The following KAZN variants were observed in gnomAD, a reference collection of about 807,000 sequenced individuals.
KAZN encodes kazrin.
KAZN carries 40 observed loss-of-function variants against 87.4 expected under a neutral mutation model. That is an observed-to-expected ratio of 0.46 (90% CI 0.36 to 0.60). The LOEUF (loss-of-function observed/expected upper bound fraction) is 0.60, where lower values mean the gene tolerates loss of function less well. Ranked by LOEUF, KAZN falls within the 20% of genes least tolerant of loss-of-function variation. The pLI is 0.00. For missense variants in KAZN, 898 were observed against 1,073.9 expected (o/e 0.84, Z 2.29); for synonymous variants, 466 against 458.3 (o/e 1.02, Z -0.22).
In KAZN at chr1:14,024,579, G is replaced by A. The variant is rs79536544; in HGVS notation, c.91+130823G>A. ...TCAACAGGAAAGAAGCAGGAACAGG[G>A]AGAGGGTACCTCTGACTTGTTGCCT... On this transcript the variant is annotated intron_variant, in intron 1 of 16. Transcript: ENST00000636203. 5.9e-4 allele frequency among the ~76,000 whole-genome samples: 90 copies of A among 152,330 alleles called. No homozygotes were observed. The East Asian group carries it at 0.016, about 28-fold the overall frequency.
At chr1:14,127,095 G>A (rs1160714146) in intron 1 of KAZN, among the ~76,000 whole-genome samples, 1 of 116,454 alleles carries the variant, frequency 8.6e-6, no homozygotes, top group Non-Finnish European at 1.7e-5. Context: ...GACAGAATGC[G>A]ACTCCATCTC....
At chr1:14,383,690 C>A (rs931980461) in intron 2 of KAZN, among the ~76,000 whole-genome samples, 1 of 152,100 alleles carries the variant, frequency 6.6e-6, no homozygotes, top group African/African-American at 2.4e-5. Flanking sequence ...TGTTTTGGTA[C>A]CAGTACCATG....
intron 1 of KAZN, among the ~76,000 whole-genome samples, chr1:14,661,817 G>A (rs1308673196): frequency 6.6e-6 from 1 of 152,146 alleles, no homozygotes; most frequent in Non-Finnish European, 1.5e-5. Flanking sequence ...TTGGGTGGCT[G>A]AGGCGTGAGG....
intron 2 of KAZN, among the ~76,000 whole-genome samples, chr1:14,215,643 C>T (rs565728867): frequency 1.6e-4 from 25 of 152,240 alleles, no homozygotes; most frequent in East Asian, 3.9e-4. Flanking sequence ...ATAGGTCTGG[C>T]GCTTTGGCTT....
At chr1:14,708,656 A>G (rs569657001) in intron 1 of KAZN, among the ~76,000 whole-genome samples, 17 of 152,322 alleles carry the variant, frequency 1.1e-4, no homozygotes, top group African/African-American at 4.1e-4. Flanking sequence ...CTGCTTACAC[A>G]TGGTGGCATG....
chr1:14,222,084 G>A (rs1355333568), intron 2 of KAZN: 1 of 152,126 alleles, frequency 6.6e-6, no homozygotes, highest in African/African-American at 2.4e-5. Flanking sequence ...TGTCAGTGAA[G>A]ATGGAAATAT....
rs1349297874 is a variant in KAZN, at chr1:15,044,102, C to G, written c.669C>G (p.Arg223=). ...CCACAGACCACGCCACGGCACTGCG[C>G]TCCCAGCTGGACCTCAAGGACAACC... is the stretch of plus-strand genomic sequence containing the variant. ...KEATDHATAL[R]SQLDLKDNRM... Residue 223 remains arginine (R), a synonymous_variant, in exon 4 of 15, where the codon CGC becomes CGG. Coordinates refer to ENST00000376030, the MANE Select transcript of KAZN (RefSeq NM_201628.3). The G allele has an allele frequency of 6.2e-7, 1 of 1,612,440 alleles. No individual in the cohort carries two copies.
At chr1:13,972,316 C>T (rs1334911338) in intron 1 of KAZN, among the ~76,000 whole-genome samples, 1 of 150,298 alleles carries the variant, frequency 6.7e-6, no homozygotes, top group East Asian at 1.9e-4. Context: ...CTTTTTCACC[C>T]AGGCCGGAGT....
rs148996650 is a variant in KAZN at position 14,783,837 on chromosome 1, A to G, written c.227-176847A>G. Among the ~76,000 whole-genome samples, 1,006 of 152,138 alleles carry G rather than the reference A, an allele frequency of 6.6e-3. 12 individuals carry two copies. Among genetic ancestry groups the G allele is most frequent in the African/African-American group, 0.023 (937 of 41,522 alleles). ...CCTGGCAGGGGTTGTGATGGAAGTA[A>G]TGGGGGTGGAGGACTTGAGGCTGAG... On this transcript the variant is annotated intron_variant, in intron 1 of 14. Coordinates refer to ENST00000376030, the MANE Select transcript of KAZN (RefSeq NM_201628.3).
At chr1:14,089,615 GTGGTC>G (rs761605570) in intron 1 of KAZN, among the ~76,000 whole-genome samples, 70 of 152,224 alleles carry the variant, frequency 4.6e-4, no homozygotes, top group Non-Finnish European at 5.0e-4. Context: ...TACACTGCAT[GTGGTC>G]TAAACTCCAC....
At chr1:14,004,387 A>G (rs187885683) in intron 1 of KAZN, among the ~76,000 whole-genome samples, 4 of 152,386 alleles carry the variant, frequency 2.6e-5, no homozygotes, top group African/African-American at 9.6e-5. Flanking sequence ...TCACCAAAAT[A>G]CATGTGCATA....
chr1:14,651,642 A>G (rs1347195993), intron 1 of KAZN, among the ~76,000 whole-genome samples: 2 of 152,222 alleles, frequency 1.3e-5, no homozygotes, highest in Non-Finnish European at 2.9e-5. Context: ...AGCATTGTTG[A>G]AAAGAACAAC....
At chr1:14,552,337 G>C (rs1673584755) in intron 2 of KAZN, among the ~76,000 whole-genome samples, 1 of 152,222 alleles carries the variant, frequency 6.6e-6, no homozygotes, top group East Asian at 1.9e-4. Flanking sequence ...GCTCCACGGA[G>C]AGCGGCCCAG....
At chr1:14,098,423 A>G (rs532182669) in intron 1 of KAZN, among the ~76,000 whole-genome samples, 1 of 152,266 alleles carries the variant, frequency 6.6e-6, no homozygotes, top group South Asian at 2.1e-4. Flanking sequence ...CTATGCAGCT[A>G]TAGTATGCTC....
intron 2 of KAZN, among the ~76,000 whole-genome samples, chr1:14,270,690 A>G (rs1368900868): frequency 6.6e-6 from 1 of 152,228 alleles, no homozygotes; most frequent in East Asian, 1.9e-4. Flanking sequence ...GATGAAATTC[A>G]TAATTCATTA....
intron 1 of KAZN, among the ~76,000 whole-genome samples, chr1:13,905,018 T>C (rs1328503747): frequency 6.6e-6 from 1 of 152,212 alleles, no homozygotes; most frequent in Admixed American, 6.5e-5. Context: ...CTGTGTCTAA[T>C]CTTCAGCTGA....
rs143766977 is a variant in KAZN, at chr1:14,415,190, C to T, written c.250-183793C>T. 2.2e-3 allele frequency among the ~76,000 whole-genome samples: 342 copies of T among 152,104 alleles called. 1 individual carries two copies. Among genetic ancestry groups the T allele is most frequent in the African/African-American group, 7.8e-3 (324 of 41,492 alleles). On this transcript the variant is annotated intron_variant, in intron 2 of 16. Coordinates refer to the KAZN transcript ENST00000636203. ...TGGATCTAGTGTCAGCTACATTATT[C>T]TCATTATTTTCCTTGTCTGCCTGAA...
chr1:14,722,689 C>T (rs187330555), intron 1 of KAZN, among the ~76,000 whole-genome samples: 127 of 152,262 alleles, frequency 8.3e-4, no homozygotes, highest in Non-Finnish European at 1.4e-3. Context: ...GGGAAGTCAG[C>T]AGCCCAGTAA....
intron 2 of KAZN, among the ~76,000 whole-genome samples, chr1:15,027,860 C>T (rs189678505): frequency 4.6e-5 from 7 of 152,278 alleles, no homozygotes; most frequent in East Asian, 1.9e-4. Context: ...GACGGAGTCT[C>T]GCTCCGTCCT....
Sources: allele counts gnomAD v4.1 joint callset (sites outside exome capture counted in the v4.1 genomes callset), GRCh38; gene constraint gnomAD v4.1.1; transcripts MANE v1.5; gene names NCBI Gene and HGNC (gene_info 2026-07-23, HGNC 2026-07-21).